THADA: variants seen among roughly 807,000 people sequenced by gnomAD.
THADA encodes THADA armadillo repeat containing, also known as tRNA (32-2'-O)-methyltransferase regulator THADA.
A neutral mutation model predicts 219.8 loss-of-function variants in THADA; 213 were observed. The observed-to-expected ratio is 0.97, with a 90% CI of 0.87 to 1.09. THADA has a LOEUF of 1.09. THADA is among the 50% of genes least tolerant of loss of function. THADA has a pLI of 0.00. For synonymous variants in THADA, 1,018 were observed against 828.9 expected, an observed-to-expected ratio of 1.23 and a Z score of -3.92; for missense variants, 2,956 against 2,311.3, an observed-to-expected ratio of 1.28 and a Z score of -5.72.
At chr2:43,481,889 C>T (rs1686276466) in intron 26 of THADA, among the ~76,000 whole-genome samples, 1 of 152,162 alleles carries the variant, frequency 6.6e-6, no homozygotes. Context: ...TTTCTGATTG[C>T]TACATATTGA....
chr2:43,237,397 A>ATT (rs70963388), intron 36 of THADA, among the ~76,000 whole-genome samples: 2,040 of 132,244 alleles, frequency 0.015, 36 homozygotes, highest in Non-Finnish European at 0.021. Flanking sequence ...AACTCATTTG[A>ATT]TTTTTTTTTT....
intron 27 of THADA, among the ~76,000 whole-genome samples, chr2:43,429,108 T>TG (rs34874908): frequency 0.33 from 49,463 of 149,776 alleles, 8,354 homozygotes; most frequent in Non-Finnish European, 0.38. Flanking sequence ...TGTGTGTGTG[T>TG]TTTTTTTTTC....
In THADA at chr2:43,291,454, C is replaced by CAAA. The variant is rs765352765; in HGVS notation, c.5010+239_5010+241dup. On this transcript the variant is annotated intron_variant, in intron 34 of 37. Coordinates refer to ENST00000405975, the MANE Select transcript of THADA (RefSeq NM_022065.5). ...GGGCAACAAGAGCAAAACTCCATCT[C>CAAA]AAAAAAAAAAAAAAAAAAAAAAAAA... Among the ~76,000 whole-genome samples, 13 of 8,088 alleles carry CAAA rather than the reference C, an allele frequency of 1.6e-3. 1 individual carries two copies. Among genetic ancestry groups the CAAA allele is most frequent in the African/African-American group, 5.0e-3 (11 of 2,198 alleles). The allele number at this position is 8,088 out of a possible 152,430, so 5.3% of individuals were successfully genotyped here.
chr2:43,451,113 A>G (rs1021534767), intron 26 of THADA, among the ~76,000 whole-genome samples: 1 of 152,216 alleles, frequency 6.6e-6, no homozygotes, highest in African/African-American at 2.4e-5. Flanking sequence ...TGTTATGTGT[A>G]TTTTACCACA....
intron 23 of THADA, among the ~76,000 whole-genome samples, chr2:43,506,391 A>C (rs1167283705): frequency 6.6e-6 from 1 of 152,236 alleles, no homozygotes; most frequent in African/African-American, 2.4e-5. Context: ...CACTTGAGGC[A>C]ATAAAAAGGA....
In THADA at chr2:43,352,262, C is replaced by G. The variant is rs373083073; in HGVS notation, c.4228-8025G>C. Among the ~76,000 whole-genome samples the G allele has an allele frequency of 1.6e-4, 25 of 152,292 alleles. No homozygotes were observed. In the East Asian group the frequency reaches 2.7e-3, roughly 16 times the overall value. On this transcript the variant is annotated intron_variant, in intron 29 of 37. Transcript: ENST00000405975. Reference sequence around the variant, plus strand: ...GAAACTCTTAATGTAGTAAAACTTACTAATGAAAAATAATACATGGCGCAG... The same window carrying G: ...GAAACTCTTAATGTAGTAAAACTTAGTAATGAAAAATAATACATGGCGCAG...
At chr2:43,501,307 CAAAA>C (rs60448094) in intron 24 of THADA, among the ~76,000 whole-genome samples, 43 of 15,032 alleles carry the variant, frequency 2.9e-3, no homozygotes, top group African/African-American at 7.2e-3. Flanking sequence ...ACTCCAACTC[CAAAA>C]AAAAAAAAAA....
At chr2:43,510,950 G>A (rs1690336915) in intron 22 of THADA, among the ~76,000 whole-genome samples, 1 of 149,516 alleles carries the variant, frequency 6.7e-6, no homozygotes, top group African/African-American at 2.5e-5. Context: ...TAGCCTGGGT[G>A]ACACAGCAAG....
At chr2:43,273,440 A>G (rs538489513) in intron 36 of THADA, among the ~76,000 whole-genome samples, 9 of 152,262 alleles carry the variant, frequency 5.9e-5, no homozygotes, top group African/African-American at 1.4e-4. Context: ...TACATCTACA[A>G]TATTGAGTCT....
intron 28 of THADA, among the ~76,000 whole-genome samples, chr2:43,415,121 C>A (rs1052262680): frequency 6.6e-6 from 1 of 152,142 alleles, no homozygotes; most frequent in Non-Finnish European, 1.5e-5. Flanking sequence ...ACCAAAGAAA[C>A]GTAAACTAAT....
intron 29 of THADA, among the ~76,000 whole-genome samples, chr2:43,385,335 G>C (rs978620412): frequency 6.6e-6 from 1 of 151,652 alleles, no homozygotes; most frequent in Non-Finnish European, 1.5e-5. Flanking sequence ...AGCTGGGTGC[G>C]GTGGCTCATG....
chr2:43,238,118 C>CAAAAAAAAAAAAAAAAAAAAAA (rs59802310), intron 36 of THADA, among the ~76,000 whole-genome samples: 2 of 28,282 alleles, frequency 7.1e-5, no homozygotes, highest in African/African-American at 1.2e-4. Flanking sequence ...GATTCCATCT[C>CAAAAAAAAAAAAAAAAAAAAAA]AAAAAAAAAA....
chr2:43,466,892 A>G lies in THADA; in HGVS notation c.3836+18342T>C, dbSNP rs189250862. 1.9e-3 allele frequency among the ~76,000 whole-genome samples: 294 copies of G among 152,174 alleles called. 1 individual carries two copies. The highest frequency in any genetic ancestry group is 6.8e-3 in the African/African-American group (282 of 41,496). ...CTAAAGAAAGAGGATGTGATTAAAC[A>G]CCACGGGGGGCCGGGCACGGTGGCT... On this transcript the variant is annotated intron_variant, in intron 26 of 37. Coordinates refer to ENST00000405975, the MANE Select transcript of THADA (RefSeq NM_022065.5).
intron 26 of THADA, among the ~76,000 whole-genome samples, chr2:43,468,852 T>C (rs1684575975): frequency 6.6e-6 from 1 of 152,156 alleles, no homozygotes; most frequent in African/African-American, 2.4e-5. Context: ...AAGCAGATAC[T>C]ATTACCATCC....
chr2:43,431,290 T>C (rs893588083), intron 26 of THADA, among the ~76,000 whole-genome samples: 2 of 152,058 alleles, frequency 1.3e-5, no homozygotes, highest in African/African-American at 2.4e-5. Flanking sequence ...CACACATACA[T>C]ACACTCGTAA....
intron 13 of THADA, among the ~76,000 whole-genome samples, chr2:43,570,750 C>G (rs944775834): frequency 6.6e-6 from 1 of 152,126 alleles, no homozygotes; most frequent in Non-Finnish European, 1.5e-5. Flanking sequence ...TGGCACAAAC[C>G]TGAAGATGAT....
At chr2:43,562,717 T>G (rs1244139599) in intron 15 of THADA, 1 of 152,218 alleles carries the variant, frequency 6.6e-6, no homozygotes, top group African/African-American at 2.4e-5. Flanking sequence ...GCCCTGAACC[T>G]TCTCTTCCTC....
intron 26 of THADA, among the ~76,000 whole-genome samples, chr2:43,480,752 A>T (rs1308370774): frequency 6.6e-6 from 1 of 150,890 alleles, no homozygotes; most frequent in Non-Finnish European, 1.5e-5. Context: ...CGGGAGGCAG[A>T]GGTTGCAGTG....
In THADA at chr2:43,572,809, C is replaced by G. The variant is rs915924422; in HGVS notation, c.1908+5G>C. ...GTACAAATCCAGGTAATTTTCTTTA[C>G]TTACTTGGCAATGCTGATGAATTAA... On this transcript the variant is annotated splice_donor_5th_base_variant and intron_variant, in intron 12 of 37. Transcript: ENST00000405975. 6.2e-7 allele frequency: 1 copy of G among 1,612,406 alleles called. No individual in the cohort carries two copies. Among genetic ancestry groups the G allele is most frequent in the African/African-American group, 1.3e-5 (1 of 74,850 alleles).
Sources: gnomAD v4.1 joint callset for allele counts (sites outside exome capture counted in the v4.1 genomes callset) on GRCh38, gnomAD v4.1.1 for gene constraint, MANE v1.5 for transcripts, NCBI Gene and HGNC (gene_info 2026-07-23, HGNC 2026-07-21) for gene names.